LY75: variants seen among roughly 807,000 people sequenced by gnomAD.
LY75 encodes the protein lymphocyte antigen 75.
A neutral mutation model predicts 231.7 loss-of-function variants in LY75; 185 were observed. That is an observed-to-expected ratio of 0.80 (90% CI 0.71 to 0.90). The LOEUF is 0.90. Ranked by LOEUF, LY75 falls within the 40% of genes least tolerant of loss-of-function variation. LY75 has a pLI of 0.00. For synonymous variants in LY75, 668 were observed against 689.0 expected (o/e 0.97, Z 0.48); for missense variants, 1,947 against 2,050.2 (o/e 0.95, Z 0.97).
intron 20 of LY75, among the ~76,000 whole-genome samples, chr2:159,852,870 CTA>C (rs756878113): frequency 1.3e-5 from 2 of 152,170 alleles, no homozygotes; most frequent in Non-Finnish European, 2.9e-5. Flanking sequence ...CCAATACTGT[CTA>C]TGAAACAGCA....
At chr2:159,904,268 G>A (rs1047961329) in intron 1 of LY75, among the ~76,000 whole-genome samples, 1 of 152,206 alleles carries the variant, frequency 6.6e-6, no homozygotes, top group Non-Finnish European at 1.5e-5. Flanking sequence ...CATTATATAA[G>A]AGAGGCGACG....
At position 159,882,141 on chromosome 2, in the gene LY75, G is replaced by T; in HGVS notation, c.1229C>A (p.Thr410Lys). The change falls in exon 7 of 35, where the codon ACA (threonine) becomes AAA (lysine). Residue 410 changes from threonine (T) to lysine (K), a missense_variant. Physicochemically the swap from Thr to Lys is moderately conservative, Grantham distance 78. Transcript: ENST00000263636. ...HSLADVEVVV[T>K]KLHNEDIKEE... ...AAACTTACCCTCATTATGGAGTTTT[G>T]TGACAACCACCTCCACATCTGCTAG... is the stretch of plus-strand genomic sequence containing the variant. The T allele has an allele frequency of 6.2e-7, 1 of 1,612,666 alleles. No homozygotes were observed. The highest frequency in any genetic ancestry group is 1.1e-5 in the South Asian group (1 of 90,804).
chr2:159,806,932 T>C (rs368261550), intron 34 of LY75, 41 bp downstream of exon 34: 1 of 1,566,338 alleles, frequency 6.4e-7, no homozygotes, highest in Non-Finnish European at 8.6e-7. Context: ...ATTTCCTGAC[T>C]GTTCTGCAAA....
intron 28 of LY75, among the ~76,000 whole-genome samples, chr2:159,824,160 G>A (rs1683389111): frequency 6.6e-6 from 1 of 152,168 alleles, no homozygotes; most frequent in South Asian, 2.1e-4. Flanking sequence ...TGGCAAATTG[G>A]ATAAAGAGTC....
chr2:159,819,608 C>T (rs1683225662), intron 29 of LY75, 118 bp downstream of exon 29: 11 of 1,277,186 alleles, frequency 8.6e-6, no homozygotes. Flanking sequence ...CTCTGTAACA[C>T]CTCGCACAGG....
chr2:159,876,148 T>C (rs1377698377), intron 11 of LY75, among the ~76,000 whole-genome samples: 1 of 152,218 alleles, frequency 6.6e-6, no homozygotes, highest in Non-Finnish European at 1.5e-5. Flanking sequence ...CATACATTTG[T>C]TTACCGTTAA....
At chr2:159,861,244 T>C (rs1420356301) in intron 14 of LY75, among the ~76,000 whole-genome samples, 1 of 152,142 alleles carries the variant, frequency 6.6e-6, no homozygotes, top group Admixed American at 6.5e-5. Flanking sequence ...AATTTGAAAA[T>C]AAACTCAAGG....
intron 6 of LY75, among the ~76,000 whole-genome samples, chr2:159,883,506 T>A (rs865951119): frequency 1.1e-4 from 16 of 152,204 alleles, no homozygotes; most frequent in Non-Finnish European, 4.4e-5. Context: ...CTAGTCTTTG[T>A]CTCAATGAAT....
Position 159,896,747 on chromosome 2 carries a change from G to A in LY75, c.466+1941C>T, listed in dbSNP as rs190322676. On this transcript the variant is annotated intron_variant, in intron 2 of 34. Transcript: ENST00000263636. ...TATATTGGAGTGGTGGAAGAGGCGAGCCTGAAACCTCTCAGGTGACTTGCT... is the reference window on the plus strand; with the variant it reads ...TATATTGGAGTGGTGGAAGAGGCGAACCTGAAACCTCTCAGGTGACTTGCT... Among the ~76,000 whole-genome samples the A allele has an allele frequency of 3.4e-3, 519 of 152,246 alleles. 1 individual carries two copies. The highest frequency in any genetic ancestry group is 4.9e-3 in the Non-Finnish European group (330 of 68,020).
Position 159,815,525 on chromosome 2 carries a change from T to G in LY75, c.4429A>C (p.Ile1477Leu). The change falls in exon 31 of 35, where the codon ATC becomes CTC. Residue 1477 changes from isoleucine (I) to leucine (L), a missense_variant. Ile to Leu is a conservative substitution (Grantham distance 5). Coordinates refer to ENST00000263636, the MANE Select transcript of LY75 (RefSeq NM_002349.4). ...EWSDGSTFDY[I>L]PWKGQTSPGN... ...GGAGATGTTTGGCCTTTCCATGGGA[T>G]ATAGTCAAATGTACTACCATCAGAC... The G allele has an allele frequency of 6.2e-7, 1 of 1,613,932 alleles. No homozygotes were observed. The highest frequency in any genetic ancestry group is 8.5e-7 in the Non-Finnish European group (1 of 1,179,968).
At chr2:159,853,215 T>C (rs1684454670) in intron 20 of LY75, 58 bp downstream of exon 20, 2 of 1,517,522 alleles carry the variant, frequency 1.3e-6, no homozygotes, top group Non-Finnish European at 1.8e-6. Context: ...AGCTAGAAAC[T>C]GAACCTGAAC....
rs770082053 is a variant in LY75, at chr2:159,810,508, C to A, written c.4699+18G>T. 6.2e-7 allele frequency: 1 copy of A among 1,601,388 alleles called. No individual in the cohort carries two copies. Among genetic ancestry groups the A allele is most frequent in the Admixed American group, 1.8e-5 (1 of 56,792 alleles). ...AAAAATTATTGAGTCATAAGAAAAT[C>A]AACAAATTTTAACTCACCATGTTTT... is the stretch of plus-strand genomic sequence containing the variant. On this transcript the variant is annotated intron_variant, in intron 32 of 34. Transcript: ENST00000263636.
intron 32 of LY75, 47 bp from the exon 33 acceptor site, chr2:159,808,618 A>T: frequency 6.2e-7 from 1 of 1,605,062 alleles, no homozygotes; most frequent in Non-Finnish European, 8.5e-7. Context: ...GAAACTAGAG[A>T]AGTAGTTTAT....
chr2:159,881,966 A>G (rs1264880185), intron 7 of LY75, among the ~76,000 whole-genome samples, 158 bp downstream of exon 7: 1 of 152,142 alleles, frequency 6.6e-6, no homozygotes, highest in Non-Finnish European at 1.5e-5. Context: ...ACCATACTAG[A>G]CCAATTGTAG....
intron 13 of LY75, among the ~76,000 whole-genome samples, chr2:159,870,497 A>G (rs1193542125): frequency 1.3e-5 from 2 of 152,050 alleles, no homozygotes; most frequent in Non-Finnish European, 2.9e-5. Flanking sequence ...ATTTTCAAAG[A>G]AAACATTCTA....
At chr2:159,832,558 C>G (rs969298785) in intron 27 of LY75, among the ~76,000 whole-genome samples, 2 of 152,166 alleles carry the variant, frequency 1.3e-5, no homozygotes, top group Admixed American at 1.3e-4. Context: ...TAATATTTCC[C>G]AAAGGGTGTT....
At chr2:159,848,738 A>C (rs748610261) in intron 23 of LY75, among the ~76,000 whole-genome samples, 1 of 152,200 alleles carries the variant, frequency 6.6e-6, no homozygotes, top group Non-Finnish European at 1.5e-5. Flanking sequence ...CTAGGGCTCA[A>C]ATATGGTTGA....
chr2:159,904,719 G>C lies in LY75; in HGVS notation c.-37C>G. 2.9e-6 allele frequency: 4 copies of C among 1,387,046 alleles called. No individual in the cohort carries two copies. The highest frequency in any genetic ancestry group is 3.7e-6 in the Non-Finnish European group (4 of 1,078,114). 85.9% of individuals were successfully genotyped at this position (1,387,046 alleles called of 1,614,324 possible). A position where few individuals can be genotyped will look rare whatever the true frequency, so the allele number is the denominator to read the frequency against. Reference sequence around the variant, plus strand: ...GCAAGCCTTCCGGCCGGGTCCTCGGGCGCACGCGGCTCCCGCCCCGCCTGC... The same window carrying C: ...GCAAGCCTTCCGGCCGGGTCCTCGGCCGCACGCGGCTCCCGCCCCGCCTGC... On this transcript the variant is annotated 5_prime_UTR_variant, in exon 1 of 35. Coordinates refer to ENST00000263636, the MANE Select transcript of LY75 (RefSeq NM_002349.4).
At chr2:159,886,849 T>C (rs1214344182) in intron 4 of LY75, among the ~76,000 whole-genome samples, 4 of 152,148 alleles carry the variant, frequency 2.6e-5, no homozygotes, top group African/African-American at 7.2e-5. Flanking sequence ...TTTATTAATA[T>C]AGAAGACTTA....
Sources: gnomAD v4.1 joint callset for allele counts (sites outside exome capture counted in the v4.1 genomes callset) on GRCh38, gnomAD v4.1.1 for gene constraint, MANE v1.5 for transcripts, NCBI Gene and HGNC (gene_info 2026-07-23, HGNC 2026-07-21) for gene names.